CELF4: variants seen among roughly 807,000 people sequenced by gnomAD.
The protein encoded by CELF4 is CUG-BP- and ETR-3-like factor 4.
Under a neutral mutation model 59.9 loss-of-function variants are expected in CELF4, and 18 were observed. That is an observed-to-expected ratio of 0.30 (90% CI 0.21 to 0.45). The LOEUF (loss-of-function observed/expected upper bound fraction) is 0.45. Among genes scored for constraint, CELF4 ranks in the 20% least tolerant of loss-of-function variants. The probability of loss-of-function intolerance (pLI) is 1.00; values close to 1 mark genes in which losing one functional copy is unlikely to be tolerated. For missense variants in CELF4, 456 were observed against 689.0 expected (o/e 0.66, Z 3.79); for synonymous variants, 261 against 267.1 (o/e 0.98, Z 0.22).
intron 2 of CELF4, among the ~76,000 whole-genome samples, chr18:37,343,098 G>C (rs2098117625): frequency 6.6e-6 from 1 of 152,188 alleles, no homozygotes; most frequent in African/African-American, 2.4e-5. Flanking sequence ...GGTGTGCTAA[G>C]AACAGACCAA....
intron 3 of CELF4, among the ~76,000 whole-genome samples, chr18:37,310,615 T>C (rs1569556400): frequency 6.6e-6 from 1 of 152,222 alleles, no homozygotes; most frequent in Non-Finnish European, 1.5e-5. Flanking sequence ...CTGATCTCTC[T>C]GGTTCATGCC....
chr18:37,272,208 C>CT, intron 7 of CELF4, among the ~76,000 whole-genome samples: 1 of 152,314 alleles, frequency 6.6e-6, no homozygotes, highest in African/African-American at 2.4e-5. Flanking sequence ...TAGCGTTTCT[C>CT]AACTTTGACA....
At chr18:37,498,387 CATCTCCCCTT>C (rs2099927606) in intron 1 of CELF4, among the ~76,000 whole-genome samples, 1 of 133,330 alleles carries the variant, frequency 7.5e-6, no homozygotes, top group Admixed American at 7.7e-5. Context: ...TCCTTTCCAT[CATCTCCCCTT>C]CTCTTCCCTC....
intron 1 of CELF4, among the ~76,000 whole-genome samples, chr18:37,522,845 G>C (rs1317102270): frequency 1.3e-5 from 2 of 152,138 alleles, no homozygotes; most frequent in Non-Finnish European, 2.9e-5. Flanking sequence ...TGCCTCAAGA[G>C]AGTTGGGCAT....
intron 2 of CELF4, among the ~76,000 whole-genome samples, chr18:37,344,873 C>A (rs1342550507): frequency 6.6e-6 from 1 of 152,198 alleles, no homozygotes; most frequent in Non-Finnish European, 1.5e-5. Context: ...TTTCATCCCC[C>A]TAGAGATGCA....
At chr18:37,262,016 C>T (rs897922427) in intron 10 of CELF4, among the ~76,000 whole-genome samples, 1 of 152,218 alleles carries the variant, frequency 6.6e-6, no homozygotes, top group Non-Finnish European at 1.5e-5. Flanking sequence ...GGCTCCAGCC[C>T]ACCTTGCGCC....
intron 3 of CELF4, among the ~76,000 whole-genome samples, chr18:37,305,098 T>G (rs186910391): frequency 1.3e-5 from 2 of 152,036 alleles, no homozygotes; most frequent in African/African-American, 4.8e-5. Flanking sequence ...CTGGGAGAAG[T>G]GCAACACTGG....
intron 3 of CELF4, among the ~76,000 whole-genome samples, chr18:37,301,816 C>T (rs1016244735): frequency 6.6e-6 from 1 of 152,208 alleles, no homozygotes; most frequent in Non-Finnish European, 1.5e-5. Flanking sequence ...GTCACTAGCC[C>T]TTAATTGATC....
At chr18:37,470,429 C>A (rs2099818188) in intron 2 of CELF4, among the ~76,000 whole-genome samples, 2 of 152,148 alleles carry the variant, frequency 1.3e-5, no homozygotes, top group Non-Finnish European at 2.9e-5. Context: ...AATATGGATG[C>A]TAATGGAAAT....
At chr18:37,334,525 AG>A (rs1047517733) in intron 2 of CELF4, among the ~76,000 whole-genome samples, 1 of 152,068 alleles carries the variant, frequency 6.6e-6, no homozygotes, top group African/African-American at 2.4e-5. Flanking sequence ...GGGAGTGAGA[AG>A]GGGGTGGCAT....
intron 3 of CELF4, among the ~76,000 whole-genome samples, chr18:37,314,271 A>G (rs2096781326): frequency 6.6e-6 from 1 of 152,122 alleles, no homozygotes; most frequent in Non-Finnish European, 1.5e-5. Context: ...ACATGGTGAA[A>G]CTCTGTATCT....
chr18:37,320,181 C>T (rs1205728903), intron 3 of CELF4, among the ~76,000 whole-genome samples: 1 of 152,102 alleles, frequency 6.6e-6, no homozygotes, highest in African/African-American at 2.4e-5. Context: ...ACTAAAAATA[C>T]AAAAATTAGC....
chr18:37,485,287 C>A (rs1178700990), intron 2 of CELF4, among the ~76,000 whole-genome samples: 2 of 151,926 alleles, frequency 1.3e-5, no homozygotes, highest in Non-Finnish European at 2.9e-5. Flanking sequence ...GCTCCCCCGC[C>A]CCAGGCTGCC....
chr18:37,257,524 A>G (rs889759302), intron 11 of CELF4, among the ~76,000 whole-genome samples: 11 of 152,140 alleles, frequency 7.2e-5, no homozygotes, highest in African/African-American at 2.4e-4. Context: ...TCCAGAGGGG[A>G]AGGGACAATG....
intron 2 of CELF4, among the ~76,000 whole-genome samples, chr18:37,474,850 A>G (rs2099844363): frequency 1.3e-5 from 2 of 152,086 alleles, no homozygotes; most frequent in Non-Finnish European, 2.9e-5. Flanking sequence ...CAGTGGGTTG[A>G]CTTCCAACTG....
At chr18:37,564,273 T>A (rs1157601650) in intron 1 of CELF4, among the ~76,000 whole-genome samples, 1 of 152,144 alleles carries the variant, frequency 6.6e-6, no homozygotes, top group African/African-American at 2.4e-5. Flanking sequence ...CCGCTGCACA[T>A]CCTATATATT....
At chr18:37,517,863 C>G (rs1232581586) in intron 1 of CELF4, among the ~76,000 whole-genome samples, 1 of 152,202 alleles carries the variant, frequency 6.6e-6, no homozygotes, top group Non-Finnish European at 1.5e-5. Flanking sequence ...TGCACTTACA[C>G]AGGATTCCCC....
intron 3 of CELF4, among the ~76,000 whole-genome samples, chr18:37,300,235 T>G (rs1217479869): frequency 6.6e-6 from 1 of 152,012 alleles, no homozygotes; most frequent in African/African-American, 2.4e-5. Flanking sequence ...GCACTTTTTT[T>G]TTTTTTTGAT....
chr18:37,366,822 G>T (rs184541513), intron 2 of CELF4, among the ~76,000 whole-genome samples: 5 of 152,044 alleles, frequency 3.3e-5, no homozygotes, highest in Non-Finnish European at 7.4e-5. Context: ...ACTACATCCA[G>T]AGCCTCCCTG....
Sources: gnomAD v4.1 joint callset for allele counts (sites outside exome capture counted in the v4.1 genomes callset) on GRCh38, gnomAD v4.1.1 for gene constraint, MANE v1.5 for transcripts, NCBI Gene and HGNC (gene_info 2026-07-23, HGNC 2026-07-21) for gene names.